METTL8: variants seen among roughly 807,000 people sequenced by gnomAD.
METTL8 encodes the protein methyltransferase 8, tRNA N3-cytidine.
In METTL8, 32 loss-of-function variants were observed where a neutral mutation model predicts 48.7. The ratio of observed to expected loss-of-function variants is 0.66; its 90% CI spans 0.50 to 0.88. The LOEUF (loss-of-function observed/expected upper bound fraction) is 0.88, where lower values mean the gene tolerates loss of function less well. Ranked by LOEUF, METTL8 falls within the 40% of genes least tolerant of loss-of-function variation. The probability of loss-of-function intolerance (pLI) is 0.00; values close to 1 mark genes in which losing one functional copy is unlikely to be tolerated. For missense variants in METTL8, 464 were observed against 474.4 expected (o/e 0.98, Z 0.20); for synonymous variants, 136 against 157.1 (o/e 0.87, Z 1.01).
chr2:171,384,952 TA>T lies in METTL8; in HGVS notation c.143+7090del, dbSNP rs768515118. ...CTTTCTCAGCATATTAGAAACTAAA[TA>T]AAAAAGAGTATCTTTATTTTTTCTT... is the stretch of plus-strand genomic sequence containing the variant. On this transcript the variant is annotated intron_variant, in intron 2 of 9. Coordinates refer to ENST00000375258, the MANE Select transcript of METTL8 (RefSeq NM_001321154.2). 2.5e-4 allele frequency among the ~76,000 whole-genome samples: 38 copies of T among 151,892 alleles called. 1 individual carries two copies. The East Asian group carries it at 3.3e-3, about 13-fold the overall frequency.
chr2:171,387,259 T>C (rs1346998286), intron 2 of METTL8, among the ~76,000 whole-genome samples: 1 of 152,208 alleles, frequency 6.6e-6, no homozygotes, highest in East Asian at 1.9e-4. Context: ...CCCTATACAC[T>C]GTCATGGGGT....
At chr2:171,418,948 A>G (rs1024272431) in intron 1 of METTL8, among the ~76,000 whole-genome samples, 6 of 151,874 alleles carry the variant, frequency 4.0e-5, no homozygotes, top group Admixed American at 6.6e-5. Flanking sequence ...ATACTCCAGT[A>G]TAAGTATAGT....
intron 1 of METTL8, among the ~76,000 whole-genome samples, chr2:171,399,591 T>A (rs1033672496): frequency 6.6e-6 from 1 of 152,052 alleles, no homozygotes; most frequent in Non-Finnish European, 1.5e-5. Context: ...AGCTACAAAT[T>A]TTGGCTAGAT....
At position 171,320,278 on chromosome 2, in the gene METTL8, T is replaced by C. The variant is rs1465730620; in HGVS notation, c.*3894A>G. The C allele has an allele frequency of 6.6e-6, 1 of 151,872 alleles. No individual in the cohort carries two copies. The highest frequency in any genetic ancestry group is 2.4e-5 in the African/African-American group (1 of 41,316). 9.4% of individuals were successfully genotyped at this position (151,872 alleles called of 1,614,324 possible). A position where few individuals can be genotyped will look rare whatever the true frequency, so the allele number is the denominator to read the frequency against. ...GGCCCTGCTGCGCAGCCATGTGGAA[T>C]AGGAAGGCTATGCTGGACAGAGCCC... On this transcript the variant is annotated 3_prime_UTR_variant, in exon 10 of 10. Coordinates refer to ENST00000375258, the MANE Select transcript of METTL8 (RefSeq NM_001321154.2).
intron 2 of METTL8, among the ~76,000 whole-genome samples, chr2:171,370,723 G>A (rs559668023): frequency 2.0e-5 from 3 of 152,080 alleles, no homozygotes; most frequent in East Asian, 3.9e-4. Flanking sequence ...CCCGGGAGGC[G>A]GAGCTTGCAG....
At chr2:171,344,879 A>G (rs1211654075) in intron 3 of METTL8, among the ~76,000 whole-genome samples, 2 of 152,218 alleles carry the variant, frequency 1.3e-5, no homozygotes, top group Non-Finnish European at 2.9e-5. Flanking sequence ...CTGAACTGCA[A>G]GAGTATCTGT....
chr2:171,403,204 G>T (rs534215477), intron 1 of METTL8, among the ~76,000 whole-genome samples: 6 of 152,092 alleles, frequency 3.9e-5, no homozygotes, highest in Non-Finnish European at 5.9e-5. Flanking sequence ...ACTCTGCAGC[G>T]GAGTAACTTC....
chr2:171,357,092 G>T (rs1684665988), intron 3 of METTL8, among the ~76,000 whole-genome samples: 1 of 151,570 alleles, frequency 6.6e-6, no homozygotes, highest in African/African-American at 2.4e-5. Flanking sequence ...TGAGTAGCTG[G>T]GACTACAGGG....
chr2:171,340,054 C>T (rs1012851562), intron 3 of METTL8, among the ~76,000 whole-genome samples: 2 of 150,876 alleles, frequency 1.3e-5, no homozygotes, highest in African/African-American at 2.4e-5. Flanking sequence ...AAAAGTTAGC[C>T]GGAGGTGGTG....
chr2:171,334,927 A>C lies in METTL8; in HGVS notation c.656+2526T>G, dbSNP rs963030833. 2.0e-5 allele frequency among the ~76,000 whole-genome samples: 3 copies of C among 152,224 alleles called. No individual in the cohort carries two copies. The South Asian group carries it at 6.2e-4, about 31-fold the overall frequency. Reference sequence around the variant, plus strand: ...AGGATAAAATATGCCCTCTACCTTAAGGAATATAAAAAGTGGTCGGAGAGA... The same window carrying C: ...AGGATAAAATATGCCCTCTACCTTACGGAATATAAAAAGTGGTCGGAGAGA... On this transcript the variant is annotated intron_variant, in intron 5 of 9. Coordinates refer to ENST00000375258, the MANE Select transcript of METTL8 (RefSeq NM_001321154.2).
intron 1 of METTL8, among the ~76,000 whole-genome samples, chr2:171,395,918 C>T (rs2105575831): frequency 6.6e-6 from 1 of 152,216 alleles, no homozygotes; most frequent in Middle Eastern, 3.4e-3. Flanking sequence ...TTCAAATGAA[C>T]ATGGAACATT....
intron 2 of METTL8, among the ~76,000 whole-genome samples, chr2:171,365,770 C>T (rs1393413990): frequency 2.0e-5 from 3 of 152,172 alleles, no homozygotes; most frequent in Non-Finnish European, 4.4e-5. Context: ...CCTCCTGCCA[C>T]AAATAATTAT....
intron 2 of METTL8, among the ~76,000 whole-genome samples, chr2:171,384,429 G>A (rs1687853812): frequency 6.6e-6 from 1 of 152,210 alleles, no homozygotes; most frequent in Non-Finnish European, 1.5e-5. Context: ...AGGATCACTT[G>A]AGCCCAGGTG....
chr2:171,405,165 C>A, intron 1 of METTL8, among the ~76,000 whole-genome samples: 1 of 152,094 alleles, frequency 6.6e-6, no homozygotes, highest in East Asian at 1.9e-4. Flanking sequence ...AAGGATCCTA[C>A]AATATATTCA....
chr2:171,400,634 G>A (rs1328412673), intron 1 of METTL8, among the ~76,000 whole-genome samples: 3 of 152,110 alleles, frequency 2.0e-5, no homozygotes, highest in African/African-American at 7.2e-5. Context: ...AAACCTCAAG[G>A]TGCAGACAAA....
chr2:171,356,952 A>ATGTTTTTGTTTTTTTTTTT, intron 3 of METTL8, among the ~76,000 whole-genome samples: 14 of 78,468 alleles, frequency 1.8e-4, no homozygotes, highest in South Asian at 5.2e-4. Flanking sequence ...CAAAGACAAT[A>ATGTTTTTGTTTTTTTTTTT]TTTTTTTTTT....
At chr2:171,330,525 T>C in intron 7 of METTL8, 34 bp downstream of exon 7, 1 of 1,599,994 alleles carries the variant, frequency 6.3e-7, no homozygotes, top group Non-Finnish European at 8.5e-7. Context: ...AAAGGAGCTT[T>C]ACACATCCAC....
chr2:171,384,666 C>G (rs1043067335), intron 2 of METTL8, among the ~76,000 whole-genome samples: 1 of 150,748 alleles, frequency 6.6e-6, no homozygotes, highest in Non-Finnish European at 1.5e-5. Context: ...CCCACCTCTA[C>G]AAAAAAAATA....
At chr2:171,389,453 T>C (rs1688377495) in intron 2 of METTL8, among the ~76,000 whole-genome samples, 2 of 137,732 alleles carry the variant, frequency 1.5e-5, no homozygotes, top group South Asian at 4.5e-4. Context: ...CAGGTGAAGG[T>C]TCAGTGAACC....
Sources: gnomAD v4.1 joint callset for allele counts (sites outside exome capture counted in the v4.1 genomes callset) on GRCh38, gnomAD v4.1.1 for gene constraint, MANE v1.5 for transcripts, NCBI Gene and HGNC (gene_info 2026-07-23, HGNC 2026-07-21) for gene names.